Variants in TRPC4 observed in about 807,000 individuals in gnomAD.
TRPC4 encodes the protein transient receptor potential cation channel subfamily C member 4.
Under a neutral mutation model 99.4 loss-of-function variants are expected in TRPC4, and 49 were observed. The observed-to-expected ratio is 0.49, with a 90% CI of 0.39 to 0.63. The LOEUF (loss-of-function observed/expected upper bound fraction) is 0.63. Among genes scored for constraint, TRPC4 ranks in the 20% least tolerant of loss-of-function variants. The pLI, the probability that TRPC4 is intolerant of heterozygous loss-of-function variation, is 0.00. For synonymous variants in TRPC4, 454 were observed against 425.9 expected, an observed-to-expected ratio of 1.07 and a Z score of -0.81; for missense variants, 898 against 1,152.9, an observed-to-expected ratio of 0.78 and a Z score of 3.20.
chr13:37,845,696 G>A (rs142503552), intron 1 of TRPC4, among the ~76,000 whole-genome samples: 3 of 151,874 alleles, frequency 2.0e-5, no homozygotes, highest in African/African-American at 7.3e-5. Context: ...ACTAACTTTT[G>A]CATAGTAGGA....
intron 1 of TRPC4, among the ~76,000 whole-genome samples, chr13:37,838,023 T>C (rs147014126): frequency 6.6e-6 from 1 of 152,218 alleles, no homozygotes; most frequent in African/African-American, 2.4e-5. Flanking sequence ...ATGCCATCCA[T>C]GTAAGACGTG....
At chr13:37,752,901 G>T (rs1264010314) in intron 2 of TRPC4, among the ~76,000 whole-genome samples, 1 of 151,928 alleles carries the variant, frequency 6.6e-6, no homozygotes, top group South Asian at 2.1e-4. Flanking sequence ...TGAGCAATGT[G>T]CAAGGCAATG....
At chr13:37,729,194 A>C (rs1208006198) in intron 3 of TRPC4, among the ~76,000 whole-genome samples, 1 of 151,520 alleles carries the variant, frequency 6.6e-6, no homozygotes, top group Non-Finnish European at 1.5e-5. Context: ...TTTCCAAAGA[A>C]GATATACCAA....
intron 3 of TRPC4, among the ~76,000 whole-genome samples, chr13:37,697,747 A>C (rs1378502363): frequency 6.6e-6 from 1 of 152,216 alleles, no homozygotes; most frequent in East Asian, 1.9e-4. Flanking sequence ...AAATCTGCTG[A>C]ATAAAAATCT....
chr13:37,670,499 C>A (rs1440848601), intron 5 of TRPC4, among the ~76,000 whole-genome samples: 1 of 152,124 alleles, frequency 6.6e-6, no homozygotes, highest in African/African-American at 2.4e-5. Flanking sequence ...CCGTCTGAAG[C>A]AAAAGAGGTG....
At chr13:37,840,125 G>A (rs1189351633) in intron 1 of TRPC4, among the ~76,000 whole-genome samples, 1 of 151,980 alleles carries the variant, frequency 6.6e-6, no homozygotes, top group African/African-American at 2.4e-5. Context: ...ATATCAAATT[G>A]AATATAATAG....
chr13:37,813,310 T>C lies in TRPC4; in HGVS notation c.-27-29950A>G, dbSNP rs537777839. On this transcript the variant is annotated intron_variant, in intron 1 of 10. Transcript: ENST00000379705. ...TGCCTGTTTGATATATATCTTAAATTAATATCATAAACTTCTATCTTAAGA... is the reference window on the plus strand; with the variant it reads ...TGCCTGTTTGATATATATCTTAAATCAATATCATAAACTTCTATCTTAAGA... Among the ~76,000 whole-genome samples the C allele has an allele frequency of 5.3e-4, 80 of 151,874 alleles. 1 individual carries two copies. The highest frequency in any genetic ancestry group is 1.9e-3 in the African/African-American group (77 of 41,516).
chr13:37,799,914 T>C (rs1227505591), intron 1 of TRPC4, among the ~76,000 whole-genome samples: 1 of 152,218 alleles, frequency 6.6e-6, no homozygotes, highest in Non-Finnish European at 1.5e-5. Flanking sequence ...CTACTTAGCC[T>C]AGGCTGGTCA....
intron 4 of TRPC4, among the ~76,000 whole-genome samples, chr13:37,676,924 T>A (rs1193287344): frequency 1.5e-5 from 1 of 66,484 alleles, no homozygotes; most frequent in African/African-American, 6.1e-5. Context: ...AATGTGTGTG[T>A]ATATATATAT....
chr13:37,772,421 C>T (rs1453048064), intron 2 of TRPC4, among the ~76,000 whole-genome samples: 1 of 151,496 alleles, frequency 6.6e-6, no homozygotes, highest in Non-Finnish European at 1.5e-5. Context: ...TGCAATTTTA[C>T]TATAAATCAA....
intron 2 of TRPC4, among the ~76,000 whole-genome samples, chr13:37,760,917 C>T (rs1956206213): frequency 1.3e-5 from 2 of 151,844 alleles, no homozygotes; most frequent in South Asian, 4.1e-4. Context: ...TTTGAAATTG[C>T]ACAGACTATT....
At chr13:37,764,786 A>G (rs894319142) in intron 2 of TRPC4, among the ~76,000 whole-genome samples, 1 of 136,968 alleles carries the variant, frequency 7.3e-6, no homozygotes, top group Non-Finnish European at 1.6e-5. Flanking sequence ...TTCCCCTATC[A>G]TTGATAGATA....
intron 1 of TRPC4, among the ~76,000 whole-genome samples, chr13:37,786,289 GACAC>G (rs10549960): frequency 0.042 from 5,907 of 140,940 alleles, 143 homozygotes; most frequent in South Asian, 0.1. Flanking sequence ...CAGGGAGAAA[GACAC>G]ACACACACAC....
intron 1 of TRPC4, among the ~76,000 whole-genome samples, chr13:37,840,118 T>C (rs1425509521): frequency 6.6e-6 from 1 of 152,130 alleles, no homozygotes; most frequent in Non-Finnish European, 1.5e-5. Context: ...GGAAGATATA[T>C]CAAATTGAAT....
intron 1 of TRPC4, among the ~76,000 whole-genome samples, chr13:37,820,420 TC>T (rs1159908106): frequency 8.6e-5 from 13 of 151,802 alleles, no homozygotes; most frequent in Non-Finnish European, 1.8e-4. Context: ...AAGAGGAGAC[TC>T]CCCCTTACTC....
chr13:37,781,307 C>CA (rs1956833041), intron 2 of TRPC4, among the ~76,000 whole-genome samples: 1 of 152,028 alleles, frequency 6.6e-6, no homozygotes, highest in African/African-American at 2.4e-5. Context: ...ACAGCCAAAA[C>CA]ATCTGTCTTA....
At chr13:37,854,665 T>G (rs765892472) in intron 1 of TRPC4, among the ~76,000 whole-genome samples, 2 of 152,096 alleles carry the variant, frequency 1.3e-5, no homozygotes, top group African/African-American at 2.4e-5. Context: ...GTTTATGCAA[T>G]CAGTATTGTC....
chr13:37,655,113 A>C lies in TRPC4; in HGVS notation c.1859T>G (p.Met620Arg). 6.3e-7 allele frequency: 1 copy of C among 1,577,060 alleles called. No homozygotes were observed. The highest frequency in any genetic ancestry group is 8.6e-7 in the Non-Finnish European group (1 of 1,160,448). ...VVLLNMLIAM[M>R]NNSYQLIADH... ...AGCAATCAGTTGGTAAGAATTATTCATCATAGCTATTAACATGTTGAGTAG... is the reference window on the plus strand; with the variant it reads ...AGCAATCAGTTGGTAAGAATTATTCCTCATAGCTATTAACATGTTGAGTAG... The change falls in exon 7 of 11, where the codon ATG (methionine) becomes AGG (arginine). Residue 620 changes from methionine to arginine, a missense_variant. This residue lies in a region of TRPC4 where 274 missense variants were observed against 454.9 expected (regional missense o/e 0.60). Coordinates refer to ENST00000379705, the MANE Select transcript of TRPC4 (RefSeq NM_016179.4).
At chr13:37,672,499 T>C (rs755321532) in intron 5 of TRPC4, among the ~76,000 whole-genome samples, 10 of 152,168 alleles carry the variant, frequency 6.6e-5, no homozygotes, top group Non-Finnish European at 1.0e-4. Flanking sequence ...ATGGAGAAAA[T>C]GAACCTGAGT....
Sources: gnomAD v4.1 joint callset for allele counts (sites outside exome capture counted in the v4.1 genomes callset) on GRCh38, gnomAD v4.1.1 for gene constraint, gnomAD v4.1.1 regional missense constraint, MANE v1.5 for transcripts, NCBI Gene and HGNC (gene_info 2026-07-23, HGNC 2026-07-21) for gene names.